MNAT1: variants seen among roughly 807,000 people sequenced by gnomAD.
The protein encoded by MNAT1 is CDK-activating kinase assembly factor MAT1.
MNAT1 carries 43 observed loss-of-function variants against 42.0 expected under a neutral mutation model. The ratio of observed to expected loss-of-function variants is 1.02; its 90% CI spans 0.80 to 1.32. The LOEUF is 1.32. Among genes scored for constraint, MNAT1 ranks in the 40% most tolerant of loss-of-function variants. MNAT1 has a pLI of 0.00. For synonymous variants in MNAT1, 118 were observed against 120.0 expected, an observed-to-expected ratio of 0.98 and a Z score of 0.11; for missense variants, 306 against 350.4, an observed-to-expected ratio of 0.87 and a Z score of 1.01.
At chr14:60,881,482 G>A (rs374614340) in intron 7 of MNAT1, among the ~76,000 whole-genome samples, 5 of 152,054 alleles carry the variant, frequency 3.3e-5, no homozygotes, top group African/African-American at 7.2e-5. Context: ...CACTGCGCCC[G>A]GCCCATCTTT....
chr14:60,822,401 G>C (rs8004671), intron 6 of MNAT1, among the ~76,000 whole-genome samples: 139,032 of 152,186 alleles, frequency 0.91, 64,226 homozygotes, highest in Non-Finnish European at 0.99. Flanking sequence ...AGTTGCTTCA[G>C]CAGCATACTT....
intron 1 of MNAT1, among the ~76,000 whole-genome samples, chr14:60,784,201 T>TTTTTTTTTTTTTTTTC (rs1435948099): frequency 1.4e-5 from 2 of 143,868 alleles, no homozygotes; most frequent in African/African-American, 5.3e-5. Flanking sequence ...TTTTTTTTTT[T>TTTTTTTTTTTTTTTTC]TTAGTAGAGG....
chr14:60,874,385 C>A (rs925736484), intron 6 of MNAT1, among the ~76,000 whole-genome samples: 1 of 152,148 alleles, frequency 6.6e-6, no homozygotes, highest in South Asian at 2.1e-4. Context: ...CTGGTAATAT[C>A]GCTGTCCTCC....
intron 7 of MNAT1, among the ~76,000 whole-genome samples, chr14:60,939,383 C>T (rs2036085166): frequency 6.6e-6 from 1 of 151,928 alleles, no homozygotes; most frequent in South Asian, 2.1e-4. Context: ...CTATAAAGTT[C>T]CCTCTACACA....
chr14:60,773,040 C>T (rs1394486285), intron 1 of MNAT1, among the ~76,000 whole-genome samples: 2 of 151,730 alleles, frequency 1.3e-5, no homozygotes, highest in Admixed American at 6.6e-5. Flanking sequence ...CTGGTTCAAG[C>T]GATTCTCCTA....
At chr14:60,827,752 G>A (rs1450426545) in intron 6 of MNAT1, among the ~76,000 whole-genome samples, 1 of 152,042 alleles carries the variant, frequency 6.6e-6, no homozygotes, top group Non-Finnish European at 1.5e-5. Flanking sequence ...ATCTATAAAG[G>A]TATTTTGAAA....
chr14:60,863,278 T>G (rs1391502609), intron 6 of MNAT1, among the ~76,000 whole-genome samples: 2 of 152,126 alleles, frequency 1.3e-5, no homozygotes, highest in African/African-American at 4.8e-5. Context: ...ATAGCTTACC[T>G]GGGGTTATAT....
At chr14:60,755,117 A>G (rs1456564381) in intron 1 of MNAT1, among the ~76,000 whole-genome samples, 1 of 151,638 alleles carries the variant, frequency 6.6e-6, no homozygotes, top group African/African-American at 2.4e-5. Flanking sequence ...TTCTGCCTCA[A>G]CCTCCCAAGT....
At chr14:60,748,053 G>A (rs1187331500) in intron 1 of MNAT1, among the ~76,000 whole-genome samples, 1 of 152,038 alleles carries the variant, frequency 6.6e-6, no homozygotes, top group African/African-American at 2.4e-5. Flanking sequence ...AAAATTAGCC[G>A]AGTGTGGTGG....
intron 6 of MNAT1, among the ~76,000 whole-genome samples, chr14:60,878,906 T>A (rs1368092844): frequency 6.6e-6 from 1 of 152,170 alleles, no homozygotes; most frequent in Non-Finnish European, 1.5e-5. Flanking sequence ...TGGCACCCAT[T>A]GAGTGGAAAG....
At chr14:60,735,416 T>G (rs535748454) in intron 1 of MNAT1, among the ~76,000 whole-genome samples, 8 of 152,356 alleles carry the variant, frequency 5.3e-5, no homozygotes, top group African/African-American at 1.9e-4. Context: ...GTATGCCCAC[T>G]TGTCCTGATG....
At chr14:60,922,335 A>G (rs2139554797) in intron 7 of MNAT1, among the ~76,000 whole-genome samples, 1 of 152,266 alleles carries the variant, frequency 6.6e-6, no homozygotes, top group Admixed American at 6.5e-5. Context: ...GGATAGGAGA[A>G]TAGCAGGTGT....
chr14:60,759,832 T>G (rs2030521313), intron 1 of MNAT1, among the ~76,000 whole-genome samples: 1 of 152,222 alleles, frequency 6.6e-6, no homozygotes, highest in African/African-American at 2.4e-5. Flanking sequence ...GATTTGTTAA[T>G]AAAATCATAT....
chr14:60,928,206 A>C (rs772861923), intron 7 of MNAT1, among the ~76,000 whole-genome samples: 11 of 152,026 alleles, frequency 7.2e-5, no homozygotes, highest in Non-Finnish European at 1.2e-4. Flanking sequence ...ATTTCTTTTT[A>C]TTGCTGAATA....
chr14:60,749,845 G>C (rs2029995239), intron 1 of MNAT1, among the ~76,000 whole-genome samples: 1 of 152,072 alleles, frequency 6.6e-6, no homozygotes, highest in Non-Finnish European at 1.5e-5. Flanking sequence ...TTTTCTTCAG[G>C]TTTCAAATGT....
At chr14:60,812,243 CT>C in intron 5 of MNAT1, 116 bp downstream of exon 5, 1 of 1,038,896 alleles carries the variant, frequency 9.6e-7, no homozygotes, top group African/African-American at 1.6e-5. Context: ...TCTGGTTCAC[CT>C]TTAGTTTTGT....
At chr14:60,955,905 C>G (rs2036479955) in intron 7 of MNAT1, among the ~76,000 whole-genome samples, 1 of 151,002 alleles carries the variant, frequency 6.6e-6, no homozygotes, top group African/African-American at 2.4e-5. Flanking sequence ...TTTCTTTTTT[C>G]TTAGTTAATC....
intron 1 of MNAT1, among the ~76,000 whole-genome samples, chr14:60,746,688 AAC>A (rs1896626455): frequency 1.3e-5 from 2 of 150,564 alleles, no homozygotes; most frequent in Admixed American, 1.3e-4. Context: ...ATATGGCTCT[AAC>A]ATATATTTTT....
intron 7 of MNAT1, among the ~76,000 whole-genome samples, chr14:60,962,349 C>T (rs1327575936): frequency 6.6e-6 from 1 of 152,136 alleles, no homozygotes; most frequent in Non-Finnish European, 1.5e-5. Flanking sequence ...TTTCATGGCT[C>T]TATCTATCTC....
Sources: allele counts gnomAD v4.1 joint callset (sites outside exome capture counted in the v4.1 genomes callset), GRCh38; gene constraint gnomAD v4.1.1; transcripts MANE v1.5; gene names NCBI Gene and HGNC (gene_info 2026-07-23, HGNC 2026-07-21).